Variants in ABCB11 observed in about 807,000 individuals in gnomAD.
ABCB11 encodes the protein ATP binding cassette subfamily B member 11, also known as bile salt export pump.
Under a neutral mutation model 148.0 loss-of-function variants are expected in ABCB11, and 95 were observed. The ratio of observed to expected loss-of-function variants is 0.64; its 90% CI spans 0.54 to 0.76. The LOEUF is 0.76. ABCB11 is among the 30% of genes least tolerant of loss of function. The pLI is 0.00. For synonymous variants in ABCB11, 591 were observed against 555.4 expected, an observed-to-expected ratio of 1.06 and a Z score of -0.90; for missense variants, 1,523 against 1,617.8, an observed-to-expected ratio of 0.94 and a Z score of 1.01.
chr2:169,004,412 T>C (rs1192096094), intron 5 of ABCB11, among the ~76,000 whole-genome samples: 1 of 152,220 alleles, frequency 6.6e-6, no homozygotes, highest in Non-Finnish European at 1.5e-5. Context: ...TTGAAACCCA[T>C]GTCTTCAAAC....
Position 168,960,279 on chromosome 2 carries a change from G to C in ABCB11, c.2179-2151C>G, listed in dbSNP as rs1223211215. On this transcript the variant is annotated intron_variant, in intron 18 of 27. Transcript: ENST00000650372. ...CCAAGGCTCCTCTCACCACTAAATG[G>C]CTAGGATTCTATAATGTATGTTTTA... Among the ~76,000 whole-genome samples the C allele has an allele frequency of 2.6e-5, 4 of 151,660 alleles. No homozygotes were observed. In the East Asian group the frequency reaches 5.8e-4, roughly 22 times the overall value.
chr2:168,916,744 G>A (rs1690948272), downstream of ABCB11, among the ~76,000 whole-genome samples: 1 of 152,130 alleles, frequency 6.6e-6, no homozygotes. Context: ...ATTTTATGAT[G>A]GTACACATGT....
chr2:168,970,523 A>G lies in ABCB11; in HGVS notation c.1639-308T>C, dbSNP rs532636554. The G allele has an allele frequency of 3.4e-5, 16 of 473,086 alleles. 1 individual carries two copies. In the Admixed American group the frequency reaches 4.6e-4, roughly 14 times the overall value. 29.3% of individuals were successfully genotyped at this position (473,086 alleles called of 1,614,324 possible). On this transcript the variant is annotated intron_variant, in intron 14 of 27. Coordinates refer to ENST00000650372, the MANE Select transcript of ABCB11 (RefSeq NM_003742.4). The stretch of plus-strand genomic sequence containing the variant: ...AAATTGGTCACGGTCCTAAATATCT[A>G]TCTCAGAGGATTAAAGCACAGAGCA...
intron 13 of ABCB11, among the ~76,000 whole-genome samples, chr2:168,973,334 A>G (rs187126705): frequency 5.9e-5 from 9 of 152,150 alleles, no homozygotes; most frequent in African/African-American, 2.2e-4. Flanking sequence ...TAGCACCATT[A>G]CTAAATATCA....
At chr2:169,001,551 G>A (rs62171040) in intron 5 of ABCB11, among the ~76,000 whole-genome samples, 6,283 of 152,176 alleles carry the variant, frequency 0.041, 188 homozygotes, top group Non-Finnish European at 0.066. Flanking sequence ...GGTGAGTGAG[G>A]GGGTGGCACA....
At chr2:168,918,525 C>T (rs1237284382), downstream of ABCB11, among the ~76,000 whole-genome samples, 1 of 152,170 alleles carries the variant, frequency 6.6e-6, no homozygotes, top group East Asian at 1.9e-4. Flanking sequence ...AGATAGATAG[C>T]ATCATACCAT....
chr2:168,951,469 C>A (rs1692567503), intron 19 of ABCB11, among the ~76,000 whole-genome samples: 1 of 151,174 alleles, frequency 6.6e-6, no homozygotes, highest in Non-Finnish European at 1.5e-5. Flanking sequence ...GATCTTTCAC[C>A]TCTTTGCTTA....
intron 5 of ABCB11, among the ~76,000 whole-genome samples, chr2:168,998,345 T>C (rs575077041): frequency 3.3e-4 from 50 of 151,974 alleles, no homozygotes; most frequent in Non-Finnish European, 5.4e-4. Context: ...AGGTACAAAG[T>C]TACTGTTCAG....
Position 168,921,752 on chromosome 2 carries a change from C to G in ABCB11, c.*1870G>C, listed in dbSNP as rs1411351429. On this transcript the variant is annotated 3_prime_UTR_variant, in exon 28 of 28. Coordinates refer to ENST00000650372, the MANE Select transcript of ABCB11 (RefSeq NM_003742.4). ...CCAAAAAGCCTGGGGAAGCTCTGAT[C>G]GAGTGGGTGCTTGTTGGTTGACAGG... Among the ~76,000 whole-genome samples the G allele has an allele frequency of 6.6e-6, 1 of 151,746 alleles. No homozygotes were observed. The highest frequency in any genetic ancestry group is 1.5e-5 in the Non-Finnish European group (1 of 67,976).
At position 168,923,494 on chromosome 2, in the gene ABCB11, G is replaced by T. The variant is rs1691161314; in HGVS notation, c.*128C>A. The T allele has an allele frequency of 1.2e-6, 1 of 843,036 alleles. No individual in the cohort carries two copies. The allele number at this position is 843,036 out of a possible 1,614,324, so 52.2% of individuals were successfully genotyped here. Reference sequence around the variant, plus strand: ...CCGATGTAGGAAAATGACTGTAAAAGTAAAATATTAACATTCTTCTTTAAA... The same window carrying T: ...CCGATGTAGGAAAATGACTGTAAAATTAAAATATTAACATTCTTCTTTAAA... On this transcript the variant is annotated 3_prime_UTR_variant, in exon 28 of 28. Transcript: ENST00000650372.
chr2:169,004,296 G>A (rs781769045), intron 5 of ABCB11, among the ~76,000 whole-genome samples: 8 of 152,000 alleles, frequency 5.3e-5, no homozygotes, highest in Non-Finnish European at 1.0e-4. Context: ...CTTCTTCCTC[G>A]AGAACACCAA....
In ABCB11 at chr2:168,999,261, G is replaced by GT. The variant is rs1363843891; in HGVS notation, c.390-2540dup. The stretch of plus-strand genomic sequence containing the variant: ...TTGCTTTTTTGTTTCTTTTTACCTT[G>GT]TTTTGGAAACTTTTTACCTTTTTTT... On this transcript the variant is annotated intron_variant, in intron 5 of 27. Coordinates refer to ENST00000650372, the MANE Select transcript of ABCB11 (RefSeq NM_003742.4). Among the ~76,000 whole-genome samples the GT allele has an allele frequency of 2.0e-5, 3 of 149,864 alleles. No individual in the cohort carries two copies. The East Asian group carries it at 5.9e-4, about 29-fold the overall frequency.
intron 1 of ABCB11, among the ~76,000 whole-genome samples, chr2:169,028,570 G>T (rs1360969711): frequency 3.3e-5 from 5 of 152,160 alleles, no homozygotes; most frequent in Non-Finnish European, 5.9e-5. Flanking sequence ...CAGGGAGGCG[G>T]ATGGGCAACT....
intron 21 of ABCB11, among the ~76,000 whole-genome samples, chr2:168,936,703 C>A (rs539876933): frequency 6.6e-6 from 1 of 152,240 alleles, no homozygotes; most frequent in South Asian, 2.1e-4. Context: ...CTCCCCCAAG[C>A]TCTTGGTGAC....
chr2:169,016,846 C>CA, intron 2 of ABCB11, 47 bp from the exon 3 acceptor site: 1 of 1,416,496 alleles, frequency 7.1e-7, no homozygotes. Context: ...ATAATAATGA[C>CA]AAAATGCAAC....
intron 21 of ABCB11, among the ~76,000 whole-genome samples, chr2:168,944,302 T>G (rs1391725623): frequency 1.3e-5 from 2 of 151,892 alleles, no homozygotes; most frequent in East Asian, 3.9e-4. Context: ...TATTGAATCT[T>G]GTTGAAGCTG....
At chr2:168,962,491 A>G (rs1157762882) in intron 18 of ABCB11, among the ~76,000 whole-genome samples, 2 of 151,664 alleles carry the variant, frequency 1.3e-5, no homozygotes, top group Non-Finnish European at 3.0e-5. Flanking sequence ...ATGGTCCCCT[A>G]CACCTACGCT....
chr2:168,967,733 A>T (rs1693379560), intron 17 of ABCB11, among the ~76,000 whole-genome samples: 1 of 151,856 alleles, frequency 6.6e-6, no homozygotes, highest in Non-Finnish European at 1.5e-5. Flanking sequence ...ATAGACAAAC[A>T]CTCCTGGGCA....
intron 10 of ABCB11, among the ~76,000 whole-genome samples, chr2:168,983,169 C>T (rs1258453019): frequency 1.3e-5 from 2 of 152,130 alleles, no homozygotes; most frequent in Non-Finnish European, 2.9e-5. Flanking sequence ...ATTCACTTTT[C>T]CCTCTGAACC....
Sources: allele counts gnomAD v4.1 joint callset (sites outside exome capture counted in the v4.1 genomes callset), GRCh38; gene constraint gnomAD v4.1.1; transcripts MANE v1.5; gene names NCBI Gene and HGNC (gene_info 2026-07-23, HGNC 2026-07-21).